Variants in TARS3 observed in about 807,000 individuals in gnomAD.
TARS3 encodes the protein threonine--tRNA ligase 2, cytoplasmic.
TARS3 carries 94 observed loss-of-function variants against 103.5 expected under a neutral mutation model. The ratio of observed to expected loss-of-function variants is 0.91; its 90% CI spans 0.77 to 1.08. The LOEUF is 1.08. Among genes scored for constraint, TARS3 ranks in the 50% least tolerant of loss-of-function variants. TARS3 has a pLI of 0.00. For missense variants in TARS3, 952 were observed against 995.2 expected, an observed-to-expected ratio of 0.96 and a Z score of 0.58; for synonymous variants, 416 against 355.4, an observed-to-expected ratio of 1.17 and a Z score of -1.92.
intron 16 of TARS3, 80 bp from the exon 17 acceptor site, chr15:101,657,937 T>G: frequency 1.1e-6 from 1 of 934,672 alleles, no homozygotes; most frequent in Non-Finnish European, 1.6e-6. Context: ...AACCAAAGAT[T>G]CTTTTAAAGA....
chr15:101,674,037 TAAAC>T (rs1324893506), intron 13 of TARS3, among the ~76,000 whole-genome samples: 6 of 152,146 alleles, frequency 3.9e-5, no homozygotes, highest in African/African-American at 1.2e-4. Context: ...ATTCCAGAAA[TAAAC>T]AACTCATAAG....
Position 101,654,286 on chromosome 15 carries a change from A to G in TARS3, c.*296T>C, listed in dbSNP as rs1374369703. On this transcript the variant is annotated 3_prime_UTR_variant, in exon 19 of 19. Coordinates refer to ENST00000335968, the MANE Select transcript of TARS3 (RefSeq NM_152334.3). Reference sequence around the variant, plus strand: ...ATCTTTTGAAAATCACTAACATTTCATAATCATTTCCTAGTGTTTTGTTTC... The same window carrying G: ...ATCTTTTGAAAATCACTAACATTTCGTAATCATTTCCTAGTGTTTTGTTTC... 7.3e-6 allele frequency: 2 copies of G among 273,620 alleles called. No individual in the cohort carries two copies. Among genetic ancestry groups the G allele is most frequent in the East Asian group, 1.4e-4 (2 of 14,004 alleles). The allele number at this position is 273,620 out of a possible 1,614,324, so 16.9% of individuals were successfully genotyped here. A position where few individuals can be genotyped will look rare whatever the true frequency, so the allele number is the denominator to read the frequency against.
chr15:101,691,060 TC>T lies in TARS3; in HGVS notation c.1321-4999del, dbSNP rs543490200. ...TTCACACCATTCTCCTGCCTCAGCCTCCCGAGTAGCTGGGACTACAGGCGCC... is the reference window on the plus strand; with the variant it reads ...TTCACACCATTCTCCTGCCTCAGCCTCCGAGTAGCTGGGACTACAGGCGCC... On this transcript the variant is annotated intron_variant, in intron 10 of 18. Transcript: ENST00000335968. Among the ~76,000 whole-genome samples the T allele has an allele frequency of 7.6e-3, 1,154 of 152,134 alleles. 12 individuals are homozygous for T. The highest frequency in any genetic ancestry group is 0.012 in the Non-Finnish European group (788 of 67,992).
chr15:101,667,950 T>C (rs1897646650), intron 15 of TARS3, among the ~76,000 whole-genome samples: 1 of 152,188 alleles, frequency 6.6e-6, no homozygotes, highest in African/African-American at 2.4e-5. Flanking sequence ...CAAACTTTGC[T>C]TCTGCAGCTT....
intron 15 of TARS3, among the ~76,000 whole-genome samples, chr15:101,663,842 T>C (rs557203108): frequency 6.6e-6 from 1 of 152,228 alleles, no homozygotes; most frequent in Non-Finnish European, 1.5e-5. Context: ...TCTTCCCAAC[T>C]GTGTTGAGAT....
At chr15:101,720,287 G>C (rs1301984953) in intron 3 of TARS3, among the ~76,000 whole-genome samples, 2 of 152,108 alleles carry the variant, frequency 1.3e-5, no homozygotes, top group Non-Finnish European at 2.9e-5. Flanking sequence ...CTATATAATT[G>C]TATTTATACA....
In TARS3 at chr15:101,684,058, T is replaced by G; in HGVS notation, c.1650+17A>C. Reference sequence around the variant, plus strand: ...TCAATTTGTGACCACACTGCTTCACTCTGTGTTATTGTTTACCTGCTCCAC... The same window carrying G: ...TCAATTTGTGACCACACTGCTTCACGCTGTGTTATTGTTTACCTGCTCCAC... On this transcript the variant is annotated intron_variant, in intron 12 of 18. Coordinates refer to ENST00000335968, the MANE Select transcript of TARS3 (RefSeq NM_152334.3). 1 of 1,606,484 alleles carries G rather than the reference T, an allele frequency of 6.2e-7. No homozygotes were observed. The highest frequency in any genetic ancestry group is 8.5e-7 in the Non-Finnish European group (1 of 1,175,524).
intron 15 of TARS3, among the ~76,000 whole-genome samples, chr15:101,663,625 C>T (rs1359826116): frequency 4.6e-5 from 7 of 152,148 alleles, no homozygotes; most frequent in Non-Finnish European, 1.5e-5. Flanking sequence ...CATTGCATTT[C>T]CTAGCAGATT....
chr15:101,671,757 A>G lies in TARS3; in HGVS notation c.1789-9T>C, dbSNP rs1439727907. ...AAGCTGTTCTGCAGTTGCTTTTTCAAAAGAAGAAAAAAGATACAATTATAC... is the reference window on the plus strand; with the variant it reads ...AAGCTGTTCTGCAGTTGCTTTTTCAGAAGAAGAAAAAAGATACAATTATAC... On this transcript the variant is annotated splice_polypyrimidine_tract_variant and intron_variant, in intron 13 of 18. Coordinates refer to ENST00000335968, the MANE Select transcript of TARS3 (RefSeq NM_152334.3). 2.5e-6 allele frequency: 4 copies of G among 1,609,326 alleles called. No individual in the cohort carries two copies. Among genetic ancestry groups the G allele is most frequent in the Non-Finnish European group, 3.4e-6 (4 of 1,177,832 alleles).
At chr15:101,699,935 C>T (rs1899175468) in intron 10 of TARS3, among the ~76,000 whole-genome samples, 1 of 151,912 alleles carries the variant, frequency 6.6e-6, no homozygotes, top group Non-Finnish European at 1.5e-5. Context: ...TAGGAAGAGA[C>T]ATGAGGGGAG....
Position 101,724,307 on chromosome 15 carries a change from C to A in TARS3, c.81G>T (p.Ser27=). Residue 27 remains serine, a synonymous_variant, in exon 1 of 19, where the codon TCG becomes TCT. Coordinates refer to ENST00000335968, the MANE Select transcript of TARS3 (RefSeq NM_152334.3). ...RQEEDIRWLW[S]EVERLRDEQL... Reference sequence around the variant, plus strand: ...GCTCGTCCCTCAGGCGCTCGACCTCCGACCACAGCCAGCGGATGTCCTCCT... The same window carrying A: ...GCTCGTCCCTCAGGCGCTCGACCTCAGACCACAGCCAGCGGATGTCCTCCT... The A allele has an allele frequency of 2.5e-6, 4 of 1,570,826 alleles. No individual in the cohort carries two copies. The highest frequency in any genetic ancestry group is 2.6e-6 in the Non-Finnish European group (3 of 1,165,158).
intron 15 of TARS3, chr15:101,664,527 A>T (rs1231003273): frequency 6.6e-6 from 1 of 152,208 alleles, no homozygotes. Flanking sequence ...GAACACATGG[A>T]ACAGATGTGA....
In TARS3 at chr15:101,661,776, G is replaced by T; in HGVS notation, c.2008C>A (p.Arg670=). 6.2e-7 allele frequency: 1 copy of T among 1,607,174 alleles called. No individual in the cohort carries two copies. The highest frequency in any genetic ancestry group is 2.2e-5 in the East Asian group (1 of 44,632). ...DDKKRPVIIH[R]AILGSVERMI... ...CTTTCCACTGATCCCAAAATGGCTC[G>T]ATGAATGATCACAGGTCTCTTCTTA... The change falls in exon 16 of 19, where the codon CGA becomes AGA. Residue 670 remains arginine, a synonymous_variant. Transcript: ENST00000335968.
chr15:101,656,777 G>A lies in TARS3; in HGVS notation c.2260+145C>T, dbSNP rs78021290. ...GAGTACCTAGGAACAGCTAAGCTAG[G>A]AATGCTATGGACTCTTCCTTTTGTG... On this transcript the variant is annotated intron_variant, in intron 18 of 18. Coordinates refer to ENST00000335968, the MANE Select transcript of TARS3 (RefSeq NM_152334.3). The A allele has an allele frequency of 1.8e-3, 1,063 of 575,880 alleles. 11 individuals carry two copies. In the African/African-American group the frequency reaches 0.018, roughly 10 times the overall value. 35.7% of individuals were successfully genotyped at this position (575,880 alleles called of 1,614,324 possible).
Position 101,721,288 on chromosome 15 carries a change from A to T in TARS3, c.404T>A (p.Leu135Ter), listed in dbSNP as rs1339087016. The part of the protein sequence containing the change: ...KHQPIFIKER[L>*]KLFEILKKDH... ...TTTCTTCAGTATTTCAAAAAGCTTC[A>T]ATCTTTCTTTTATGAAAATTGGTTG... Residue 135 changes from leucine to a stop codon, truncating the protein, a stop_gained, in exon 3 of 19, where the codon TTG becomes TAG. Coordinates refer to ENST00000335968, the MANE Select transcript of TARS3 (RefSeq NM_152334.3). LOFTEE classifies it high-confidence loss of function. 1 of 1,612,562 alleles carries T rather than the reference A, an allele frequency of 6.2e-7. No individual in the cohort carries two copies. Among genetic ancestry groups the T allele is most frequent in the Non-Finnish European group, 8.5e-7 (1 of 1,178,710 alleles).
Position 101,654,393 on chromosome 15 carries a change from G to A in TARS3, c.*189C>T, listed in dbSNP as rs764243591. On this transcript the variant is annotated 3_prime_UTR_variant, in exon 19 of 19. Transcript: ENST00000335968. ...AAAATTTCCCACGTGCCCTCTAAAC[G>A]TCCCCCGTGGACATGAGTAAATTAA... 3.7e-6 allele frequency: 2 copies of A among 538,792 alleles called. No individual in the cohort carries two copies. The highest frequency in any genetic ancestry group is 2.0e-5 in the African/African-American group (1 of 50,908). 33.4% of individuals were successfully genotyped at this position (538,792 alleles called of 1,614,324 possible). A position where few individuals can be genotyped will look rare whatever the true frequency, so the allele number is the denominator to read the frequency against.
At position 101,724,403 on chromosome 15, in the gene TARS3, G is replaced by A; in HGVS notation, c.-16C>T. 1 of 1,409,240 alleles carries A rather than the reference G, an allele frequency of 7.1e-7. No homozygotes were observed. The highest frequency in any genetic ancestry group is 9.2e-7 in the Non-Finnish European group (1 of 1,088,796). 87.3% of individuals were successfully genotyped at this position (1,409,240 alleles called of 1,614,324 possible). A position where few individuals can be genotyped will look rare whatever the true frequency, so the allele number is the denominator to read the frequency against. ...CGGCCGCCATCGCGGCCTCCCTCAG[G>A]CACCGACGCCGAGCGGGGTGCCCGC... On this transcript the variant is annotated 5_prime_UTR_variant, in exon 1 of 19. Coordinates refer to ENST00000335968, the MANE Select transcript of TARS3 (RefSeq NM_152334.3).
At chr15:101,654,769 G>C (rs1436424773) in intron 18 of TARS3, 39 bp from the exon 19 acceptor site, 1 of 1,590,250 alleles carries the variant, frequency 6.3e-7, no homozygotes, top group Non-Finnish European at 8.6e-7. Context: ...TTTTAAATCA[G>C]CAATTTACCA....
At chr15:101,663,646 T>C (rs1319586585) in intron 15 of TARS3, among the ~76,000 whole-genome samples, 1 of 152,240 alleles carries the variant, frequency 6.6e-6, no homozygotes, top group Non-Finnish European at 1.5e-5. Flanking sequence ...ATTGCTAACA[T>C]TATGAAGGCA....
Sources: allele counts gnomAD v4.1 joint callset (sites outside exome capture counted in the v4.1 genomes callset), GRCh38; gene constraint gnomAD v4.1.1; transcripts MANE v1.5; gene names NCBI Gene and HGNC (gene_info 2026-07-23, HGNC 2026-07-21).